GRID1: variants seen among roughly 807,000 people sequenced by gnomAD.
The protein encoded by GRID1 is glutamate ionotropic receptor delta type subunit 1, also known as glutamate receptor ionotropic, delta-1.
Under a neutral mutation model 98.0 loss-of-function variants are expected in GRID1, and 28 were observed. That is an observed-to-expected ratio of 0.29 (90% CI 0.21 to 0.39). The LOEUF (loss-of-function observed/expected upper bound fraction) is 0.39. GRID1 is among the 10% of genes least tolerant of loss of function. GRID1 has a pLI of 1.00. For synonymous variants in GRID1, 553 were observed against 538.5 expected (o/e 1.03, Z -0.37); for missense variants, 1,111 against 1,340.5 (o/e 0.83, Z 2.67).
intron 4 of GRID1, among the ~76,000 whole-genome samples, chr10:86,057,123 G>A (rs953953958): frequency 1.3e-5 from 2 of 152,224 alleles, no homozygotes; most frequent in African/African-American, 4.8e-5. Flanking sequence ...CTCTACAGAG[G>A]TTTCTACAGG....
intron 6 of GRID1, among the ~76,000 whole-genome samples, chr10:85,858,961 G>C (rs554139705): frequency 1.3e-5 from 2 of 152,330 alleles, no homozygotes; most frequent in South Asian, 4.1e-4. Context: ...AGCAGGACAT[G>C]ACTCAGAAAG....
Position 86,366,247 on chromosome 10 carries a change from A to G in GRID1, c.79+67T>C. On this transcript the variant is annotated intron_variant, in intron 1 of 15. Coordinates refer to ENST00000327946, the MANE Select transcript of GRID1 (RefSeq NM_017551.3). This position sits in a 1 kb window ranked among gnomAD's most constrained non-coding sequence, Gnocchi z 4.1. Reference sequence around the variant, plus strand: ...CGGCCCAGGGAAACGCCAAGTTTGGACGCCGCGCACCCCCTGCCCCGTTGG... The same window carrying G: ...CGGCCCAGGGAAACGCCAAGTTTGGGCGCCGCGCACCCCCTGCCCCGTTGG... 8.6e-7 allele frequency: 1 copy of G among 1,166,374 alleles called. No individual in the cohort carries two copies. Among genetic ancestry groups the G allele is most frequent in the South Asian group, 1.5e-5 (1 of 66,716 alleles). The allele number at this position is 1,166,374 out of a possible 1,614,324, so 72.3% of individuals were successfully genotyped here. A position where few individuals can be genotyped will look rare whatever the true frequency, so the allele number is the denominator to read the frequency against.
In GRID1 at chr10:85,989,688, C is replaced by G. The variant is rs12416682; in HGVS notation, c.727-73449G>C. Among the ~76,000 whole-genome samples, 375 of 152,330 alleles carry G rather than the reference C, an allele frequency of 2.5e-3. 7 individuals carry two copies. Among genetic ancestry groups the G allele is most frequent in the Admixed American group, 0.022 (343 of 15,308 alleles). ...AAACTAGCCTTCAACCCCCACTGGTCCGTGGAAACATTGTCTTCCACGAAA... is the reference window on the plus strand; with the variant it reads ...AAACTAGCCTTCAACCCCCACTGGTGCGTGGAAACATTGTCTTCCACGAAA... On this transcript the variant is annotated intron_variant, in intron 4 of 15. Transcript: ENST00000327946.
In GRID1 at chr10:85,956,109, C is replaced by T. The variant is rs1388214927; in HGVS notation, c.727-39870G>A. On this transcript the variant is annotated intron_variant, in intron 4 of 15. Transcript: ENST00000327946. ...CAAGCCCCTGGGCAGCCTCACTGGG[C>T]AGCCTCTTTCTTTCAGCACTCATTA... Among the ~76,000 whole-genome samples, 5 of 152,208 alleles carry T rather than the reference C, an allele frequency of 3.3e-5. No homozygotes were observed. The South Asian group carries it at 1.0e-3, about 32-fold the overall frequency.
At chr10:86,217,760 C>T (rs988243007) in intron 2 of GRID1, among the ~76,000 whole-genome samples, 12 of 152,130 alleles carry the variant, frequency 7.9e-5, no homozygotes, top group Admixed American at 3.3e-4. Context: ...GGGAGCTACA[C>T]GGTGGTCTCT....
intron 2 of GRID1, among the ~76,000 whole-genome samples, chr10:86,246,243 C>T (rs549767663): frequency 5.9e-5 from 9 of 152,358 alleles, no homozygotes; most frequent in Middle Eastern, 3.4e-3. Flanking sequence ...ACCGGCCCTG[C>T]CACTCCCTGA....
At chr10:85,920,945 T>C (rs1231069597) in intron 4 of GRID1, among the ~76,000 whole-genome samples, 1 of 152,202 alleles carries the variant, frequency 6.6e-6, no homozygotes, top group Non-Finnish European at 1.5e-5. Flanking sequence ...GGTGGCCAGA[T>C]GCCTGCACCC....
intron 3 of GRID1, among the ~76,000 whole-genome samples, chr10:86,167,670 CTG>C (rs1281204631): frequency 4.6e-5 from 7 of 152,194 alleles, no homozygotes; most frequent in East Asian, 1.9e-4. Context: ...GATGAGGAAA[CTG>C]AGGTTTTGCT....
intron 4 of GRID1, among the ~76,000 whole-genome samples, chr10:85,983,783 T>G (rs1589324354): frequency 6.6e-6 from 1 of 152,098 alleles, no homozygotes; most frequent in East Asian, 1.9e-4. Flanking sequence ...TGCACTCCAT[T>G]GCTCAGGGGC....
chr10:85,834,481 G>T (rs1842895718), intron 8 of GRID1, among the ~76,000 whole-genome samples: 1 of 152,048 alleles, frequency 6.6e-6, no homozygotes, highest in Non-Finnish European at 1.5e-5. Context: ...TAAGCAAAAA[G>T]AAAATAAAAG....
intron 4 of GRID1, among the ~76,000 whole-genome samples, chr10:85,970,897 C>T (rs760040099): frequency 6.6e-6 from 1 of 151,948 alleles, no homozygotes; most frequent in Non-Finnish European, 1.5e-5. Context: ...GTAAAACTAT[C>T]TATATTTGCA....
At chr10:85,982,675 T>G (rs1169309245) in intron 4 of GRID1, among the ~76,000 whole-genome samples, 1 of 152,186 alleles carries the variant, frequency 6.6e-6, no homozygotes, top group African/African-American at 2.4e-5. Context: ...CAGTATCACA[T>G]GGGTATCCAG....
At chr10:86,080,677 A>T (rs1292559968) in intron 4 of GRID1, among the ~76,000 whole-genome samples, 1 of 152,082 alleles carries the variant, frequency 6.6e-6, no homozygotes, top group African/African-American at 2.4e-5. Context: ...GCAAACTCTG[A>T]CACAAGGAGT....
At chr10:86,144,741 C>T (rs376236885) in intron 3 of GRID1, among the ~76,000 whole-genome samples, 3 of 152,302 alleles carry the variant, frequency 2.0e-5, no homozygotes, top group African/African-American at 7.2e-5. Context: ...TCCTCCTTCA[C>T]ACGCTCCCGG....
At chr10:86,175,797 C>T (rs990611486) in intron 3 of GRID1, among the ~76,000 whole-genome samples, 14 of 152,162 alleles carry the variant, frequency 9.2e-5, no homozygotes, top group African/African-American at 3.4e-4. Flanking sequence ...GCAATCTCCG[C>T]CTCCCGGGTT....
At chr10:86,237,664 C>T (rs1846562106) in intron 2 of GRID1, among the ~76,000 whole-genome samples, 1 of 150,918 alleles carries the variant, frequency 6.6e-6, no homozygotes, top group African/African-American at 2.4e-5. Flanking sequence ...TGTGCCACTG[C>T]ACTCCAGCCT....
intron 3 of GRID1, among the ~76,000 whole-genome samples, chr10:86,172,731 G>T (rs1043789714): frequency 6.6e-6 from 1 of 152,006 alleles, no homozygotes; most frequent in African/African-American, 2.4e-5. Flanking sequence ...TCTCTAGCCG[G>T]CAAGTGATAA....
At chr10:85,707,602 C>G (rs912295103) in intron 12 of GRID1, among the ~76,000 whole-genome samples, 26 of 152,312 alleles carry the variant, frequency 1.7e-4, no homozygotes, top group Admixed American at 1.4e-3. Flanking sequence ...ACCCACCTAT[C>G]CCATTACTGG....
rs557316415 is a variant in GRID1 at position 86,187,920 on chromosome 10, A to T, written c.520+18444T>A. Among the ~76,000 whole-genome samples, 6 of 152,302 alleles carry T rather than the reference A, an allele frequency of 3.9e-5. 1 individual carries two copies. The South Asian group carries it at 1.2e-3, about 32-fold the overall frequency. ...ACCACCCCCAGCCCTGTCCTAATTG[A>T]TGGAAGGGAAATAAGTCTTGAAGGA... On this transcript the variant is annotated intron_variant, in intron 3 of 15. Transcript: ENST00000327946.
Sources: gnomAD v4.1 joint callset for allele counts (sites outside exome capture counted in the v4.1 genomes callset) on GRCh38, gnomAD v4.1.1 for gene constraint, Gnocchi (gnomAD v3.1) non-coding constraint, MANE v1.5 for transcripts, NCBI Gene and HGNC (gene_info 2026-07-23, HGNC 2026-07-21) for gene names.